The following LARP4 variants were observed in gnomAD, a reference collection of about 807,000 sequenced individuals.
LARP4 encodes la-related protein 4.
In LARP4, 29 loss-of-function variants were observed where a neutral mutation model predicts 92.9. The ratio of observed to expected loss-of-function variants is 0.31; its 90% CI spans 0.23 to 0.43. LARP4 has a LOEUF of 0.43. LARP4 is among the 20% of genes least tolerant of loss of function. The pLI is 1.00. For synonymous variants in LARP4, 279 were observed against 284.1 expected (o/e 0.98, Z 0.18); for missense variants, 732 against 860.0 (o/e 0.85, Z 1.86).
intron 11 of LARP4, among the ~76,000 whole-genome samples, chr12:50,461,773 A>G (rs1469614818): frequency 6.6e-6 from 1 of 152,102 alleles, no homozygotes; most frequent in Non-Finnish European, 1.5e-5. Flanking sequence ...CCTGGCCAAC[A>G]TGGTGAAACC....
intron 11 of LARP4, 187 bp downstream of exon 11, chr12:50,461,534 A>C (rs1442050006): frequency 9.8e-6 from 6 of 609,696 alleles, no homozygotes; most frequent in Non-Finnish European, 1.7e-5. Flanking sequence ...GAGTGCCCAT[A>C]CAGAATATAG....
At chr12:50,453,747 G>A in intron 9 of LARP4, 75 bp downstream of exon 9, 2 of 950,308 alleles carry the variant, frequency 2.1e-6, no homozygotes, top group Non-Finnish European at 3.2e-6. Flanking sequence ...CAGTTGGAGT[G>A]GGAGCTCATT....
rs537066296 is a variant in LARP4, at chr12:50,464,672, C to T, written c.1383+2042C>T. 5.9e-5 allele frequency among the ~76,000 whole-genome samples: 9 copies of T among 151,438 alleles called. No homozygotes were observed. The East Asian group carries it at 1.4e-3, about 23-fold the overall frequency. ...CCTCCCAGAGTGCTGGGATTACAGG[C>T]GTGAGCCATCGTGCCTGACCAACAA... On this transcript the variant is annotated intron_variant, in intron 12 of 15. Coordinates refer to ENST00000398473, the MANE Select transcript of LARP4 (RefSeq NM_052879.5).
Position 50,400,976 on chromosome 12 carries a change from G to A in LARP4, c.-35G>A, listed in dbSNP as rs1430249472. The A allele has an allele frequency of 1.2e-6, 2 of 1,613,964 alleles. No homozygotes were observed. Among genetic ancestry groups the A allele is most frequent in the African/African-American group, 2.7e-5 (2 of 74,900 alleles). ...GGGCCTGTGAGCCAGTTGGAGTTGCGGCGGCGGGAACGATTGGGCTGAGCA... is the reference window on the plus strand; with the variant it reads ...GGGCCTGTGAGCCAGTTGGAGTTGCAGCGGCGGGAACGATTGGGCTGAGCA... On this transcript the variant is annotated 5_prime_UTR_variant, in exon 1 of 16. Coordinates refer to ENST00000398473, the MANE Select transcript of LARP4 (RefSeq NM_052879.5).
At chr12:50,421,006 G>A (rs1289919077) in intron 1 of LARP4, 1 of 134,758 alleles carries the variant, frequency 7.4e-6, no homozygotes, top group East Asian at 2.2e-4. Context: ...CTGGAGTGCA[G>A]TGGCGCTATC....
At chr12:50,410,362 C>G (rs2136373958) in intron 1 of LARP4, among the ~76,000 whole-genome samples, 1 of 150,998 alleles carries the variant, frequency 6.6e-6, no homozygotes, top group African/African-American at 2.4e-5. Flanking sequence ...TGTGAGGAGC[C>G]ACAACACCCA....
chr12:50,402,834 TCTCTCG>T, intron 1 of LARP4: 1 of 454,432 alleles, frequency 2.2e-6, no homozygotes, highest in Non-Finnish European at 4.4e-6. Context: ...TTCTATCGTA[TCTCTCG>T]CCAAACTAGT....
At chr12:50,462,717 T>C in intron 12 of LARP4, 87 bp downstream of exon 12, 3 of 924,382 alleles carry the variant, frequency 3.2e-6, no homozygotes, top group Non-Finnish European at 5.1e-6. Context: ...TTCTGGGTTT[T>C]TGTTTTATTG....
intron 1 of LARP4, among the ~76,000 whole-genome samples, chr12:50,407,433 T>C (rs1945063078): frequency 6.6e-6 from 1 of 152,214 alleles, no homozygotes; most frequent in Admixed American, 6.5e-5. Context: ...GTCAAACAAT[T>C]TATAATTATT....
chr12:50,451,960 AC>A (rs1180939742), intron 8 of LARP4, among the ~76,000 whole-genome samples: 1 of 151,958 alleles, frequency 6.6e-6, no homozygotes, highest in African/African-American at 2.4e-5. Context: ...CCAAGATTGC[AC>A]CACTGCACTC....
intron 1 of LARP4, among the ~76,000 whole-genome samples, chr12:50,416,640 C>T (rs766999401): frequency 2.6e-5 from 4 of 151,996 alleles, no homozygotes; most frequent in African/African-American, 9.7e-5. Context: ...GCCAAGATCA[C>T]ACCACTGCGC....
rs1950650581 is a variant in LARP4, at chr12:50,437,773, G to A, written c.574G>A (p.Val192Met). The change falls in exon 6 of 16, where the codon GTG becomes ATG. Residue 192 changes from valine (V) to methionine (M), a missense_variant. This residue lies in a region of LARP4 where 236 missense variants were observed against 307.6 expected (regional missense o/e 0.77). Transcript: ENST00000398473. ...MVQVDEKGEK[V>M]RPSHKRCIVI... ...ACAAGTTGATGAGAAGGGTGAGAAA[G>A]TGAGACCAAGTCATAAGCGTTGTAT... 3 of 1,612,122 alleles carry A rather than the reference G, an allele frequency of 1.9e-6. No individual in the cohort carries two copies. The South Asian group carries it at 3.3e-5, about 18-fold the overall frequency.
intron 1 of LARP4, among the ~76,000 whole-genome samples, chr12:50,411,827 C>T (rs534457987): frequency 6.6e-6 from 1 of 152,094 alleles, no homozygotes; most frequent in Non-Finnish European, 1.5e-5. Context: ...GCTACAGGCA[C>T]ACGCCACCAT....
chr12:50,417,299 C>T (rs1269192222), intron 1 of LARP4, among the ~76,000 whole-genome samples: 1 of 151,172 alleles, frequency 6.6e-6, no homozygotes, highest in African/African-American at 2.4e-5. Flanking sequence ...TGCTTGAACC[C>T]AGGAGACAGA....
intron 15 of LARP4, among the ~76,000 whole-genome samples, chr12:50,475,309 G>A (rs1273880460): frequency 2.0e-5 from 3 of 152,024 alleles, no homozygotes; most frequent in African/African-American, 2.4e-5. Flanking sequence ...TATAAACAAC[G>A]CTGACATGAA....
At chr12:50,444,673 T>G (rs907497390) in intron 8 of LARP4, among the ~76,000 whole-genome samples, 1 of 152,192 alleles carries the variant, frequency 6.6e-6, no homozygotes, top group South Asian at 2.1e-4. Context: ...GTTCTGTGAT[T>G]TAGAAGTGAT....
intron 13 of LARP4, among the ~76,000 whole-genome samples, chr12:50,469,651 C>T (rs540868545): frequency 6.3e-4 from 95 of 149,724 alleles, no homozygotes; most frequent in African/African-American, 2.3e-3. Flanking sequence ...TGGCTCAAGC[C>T]TGTAATCCCC....
chr12:50,443,064 T>C (rs1951472378), intron 8 of LARP4, among the ~76,000 whole-genome samples: 1 of 152,206 alleles, frequency 6.6e-6, no homozygotes, highest in Non-Finnish European at 1.5e-5. Context: ...AAGTGGGTCT[T>C]TGGTATATCT....
At chr12:50,433,882 C>A (rs1368481107) in intron 4 of LARP4, among the ~76,000 whole-genome samples, 1 of 152,124 alleles carries the variant, frequency 6.6e-6, no homozygotes, top group East Asian at 1.9e-4. Context: ...TCAGGTGATC[C>A]ACCCACCTTT....
Sources: gnomAD v4.1 joint callset for allele counts (sites outside exome capture counted in the v4.1 genomes callset) on GRCh38, gnomAD v4.1.1 for gene constraint, gnomAD v4.1.1 regional missense constraint, MANE v1.5 for transcripts, NCBI Gene and HGNC (gene_info 2026-07-23, HGNC 2026-07-21) for gene names.